Variants in BLNK observed in about 807,000 individuals in gnomAD.
The protein encoded by BLNK is B-cell linker protein.
BLNK carries 29 observed loss-of-function variants against 73.5 expected under a neutral mutation model. That is an observed-to-expected ratio of 0.39 (90% CI 0.29 to 0.54). BLNK has a LOEUF of 0.54. Ranked by LOEUF, BLNK falls within the 20% of genes least tolerant of loss-of-function variation. BLNK has a pLI of 0.61. For synonymous variants in BLNK, 176 were observed against 200.8 expected, an observed-to-expected ratio of 0.88 and a Z score of 1.04; for missense variants, 460 against 562.8, an observed-to-expected ratio of 0.82 and a Z score of 1.85.
intron 4 of BLNK, among the ~76,000 whole-genome samples, chr10:96,229,090 C>T (rs1215288455): frequency 6.6e-6 from 1 of 152,030 alleles, no homozygotes; most frequent in Non-Finnish European, 1.5e-5. Flanking sequence ...TATAAACATT[C>T]CAATTATATT....
At chr10:96,230,677 C>G (rs1554903745) in intron 4 of BLNK, 117 bp downstream of exon 4, 12 of 1,264,284 alleles carry the variant, frequency 9.5e-6, no homozygotes, top group Admixed American at 4.0e-5. Context: ...GTGACCTTTC[C>G]AAGTCTTCCC....
At position 96,207,071 on chromosome 10, in the gene BLNK, A is replaced by G; in HGVS notation, c.775-18T>C. 1 of 1,610,368 alleles carries G rather than the reference A, an allele frequency of 6.2e-7. No homozygotes were observed. On this transcript the variant is annotated intron_variant, in intron 10 of 16. Coordinates refer to ENST00000224337, the MANE Select transcript of BLNK (RefSeq NM_013314.4). ...ACTGGAGTCTATGTAAAAGAAAAAA[A>G]GGCAAGGTTATTCAATATAGCAGAA... is the stretch of plus-strand genomic sequence containing the variant.
chr10:96,239,303 G>A (rs1842806638), intron 3 of BLNK: 4 of 396,056 alleles, frequency 1.0e-5, no homozygotes, highest in Non-Finnish European at 1.3e-5. Flanking sequence ...CAGGAGTGCA[G>A]AATAATTAGT....
rs2083905997 is a variant in BLNK at position 96,209,831 on chromosome 10, T to C, written c.746+7A>G. On this transcript the variant is annotated splice_region_variant and intron_variant, in intron 9 of 16. Transcript: ENST00000224337. The stretch of plus-strand genomic sequence containing the variant: ...CTCAAAAGCTGCTTCCTGCAACAGG[T>C]ACTTACCCGGCCCGTGGCAACGGGG... 1 of 1,614,182 alleles carries C rather than the reference T, an allele frequency of 6.2e-7. No individual in the cohort carries two copies. Among genetic ancestry groups the C allele is most frequent in the Non-Finnish European group, 8.5e-7 (1 of 1,180,028 alleles).
chr10:96,205,511 G>T (rs930659863), intron 11 of BLNK, among the ~76,000 whole-genome samples: 1 of 152,214 alleles, frequency 6.6e-6, no homozygotes, highest in African/African-American at 2.4e-5. Context: ...AACCTCTGAA[G>T]ATTGTATTTT....
intron 12 of BLNK, 171 bp from the exon 13 acceptor site, chr10:96,204,259 A>G (rs2083737164): frequency 2.5e-6 from 2 of 789,076 alleles, no homozygotes; most frequent in African/African-American, 3.5e-5. Flanking sequence ...AAGATAAGTA[A>G]GACTCTTCCT....
rs587669910 is a variant in BLNK at position 96,196,721 on chromosome 10, T to A, written c.1251+187A>T. Among the ~76,000 whole-genome samples the A allele has an allele frequency of 3.3e-5, 5 of 152,334 alleles. 1 individual carries two copies. In the South Asian group the frequency reaches 1.0e-3, roughly 32 times the overall value. On this transcript the variant is annotated intron_variant, in intron 16 of 16. Coordinates refer to ENST00000224337, the MANE Select transcript of BLNK (RefSeq NM_013314.4). ...CATGTACATCACATGACTTTTTCCT[T>A]TTCTGTGTTCTTATAGGATATACTG...
chr10:96,245,751 T>C (rs1843020754), intron 2 of BLNK, among the ~76,000 whole-genome samples: 1 of 152,260 alleles, frequency 6.6e-6, no homozygotes, highest in South Asian at 2.1e-4. Context: ...ATGACGAAAA[T>C]GTATGTGTAT....
intron 9 of BLNK, among the ~76,000 whole-genome samples, chr10:96,208,377 A>C (rs1031183228): frequency 9.2e-5 from 14 of 151,934 alleles, no homozygotes; most frequent in African/African-American, 3.4e-4. Context: ...GCACTTGCCC[A>C]CTCCAGCTTC....
chr10:96,216,824 G>T, intron 6 of BLNK, 90 bp from the exon 7 acceptor site: 1 of 1,075,236 alleles, frequency 9.3e-7, no homozygotes, highest in Non-Finnish European at 1.4e-6. Context: ...AAGCATTATT[G>T]AGACGCAATT....
rs781976715 is a variant in BLNK at position 96,190,598 on chromosome 10, T to C, written c.*1375A>G. ...TGACATTTAAATATACAATTATCTTTAGAAGTGAGTCATGAGTTACCCTGA... is the reference window on the plus strand; with the variant it reads ...TGACATTTAAATATACAATTATCTTCAGAAGTGAGTCATGAGTTACCCTGA... On this transcript the variant is annotated 3_prime_UTR_variant, in exon 17 of 17. Coordinates refer to ENST00000224337, the MANE Select transcript of BLNK (RefSeq NM_013314.4). Among the ~76,000 whole-genome samples the C allele has an allele frequency of 1.3e-5, 2 of 152,260 alleles. No individual in the cohort carries two copies. Among genetic ancestry groups the C allele is most frequent in the Non-Finnish European group, 2.9e-5 (2 of 68,046 alleles).
intron 3 of BLNK, among the ~76,000 whole-genome samples, chr10:96,236,932 G>A (rs1455275739): frequency 6.6e-6 from 1 of 152,172 alleles, no homozygotes; most frequent in Non-Finnish European, 1.5e-5. Context: ...ACAGCAATGG[G>A]GGACATAGTC....
intron 1 of BLNK, among the ~76,000 whole-genome samples, chr10:96,269,844 C>T (rs782228201): frequency 3.9e-5 from 6 of 152,132 alleles, no homozygotes; most frequent in East Asian, 1.9e-4. Flanking sequence ...ACAAATGGAC[C>T]GTACTTGTGT....
intron 1 of BLNK, among the ~76,000 whole-genome samples, chr10:96,248,158 C>A (rs1009859274): frequency 6.6e-6 from 1 of 152,140 alleles, no homozygotes; most frequent in Non-Finnish European, 1.5e-5. Context: ...ATATTTGCAA[C>A]ATATAGTAAT....
chr10:96,242,259 A>G (rs1564841226), intron 3 of BLNK, among the ~76,000 whole-genome samples: 1 of 152,170 alleles, frequency 6.6e-6, no homozygotes, highest in Non-Finnish European at 1.5e-5. Flanking sequence ...GCCTGCCGCC[A>G]TGTAAGACAT....
At chr10:96,209,778 G>A in intron 9 of BLNK, 60 bp downstream of exon 9, 1 of 1,591,006 alleles carries the variant, frequency 6.3e-7, no homozygotes, top group Admixed American at 1.7e-5. Flanking sequence ...ACAGGGCAGT[G>A]GGGTATCACC....
chr10:96,219,086 G>A (rs1351914454), intron 6 of BLNK, among the ~76,000 whole-genome samples: 1 of 152,178 alleles, frequency 6.6e-6, no homozygotes, highest in East Asian at 1.9e-4. Flanking sequence ...TGTGGCACAG[G>A]GAACCTGGTC....
intron 6 of BLNK, 77 bp from the exon 7 acceptor site, chr10:96,216,811 A>T: frequency 8.0e-7 from 1 of 1,243,998 alleles, no homozygotes; most frequent in Non-Finnish European, 1.2e-6. Flanking sequence ...TGATTTTTTT[A>T]AAAAGCATTA....
intron 2 of BLNK, among the ~76,000 whole-genome samples, chr10:96,246,446 C>G (rs1317543777): frequency 3.3e-5 from 5 of 152,146 alleles, no homozygotes; most frequent in Admixed American, 3.3e-4. Context: ...CAGCTATTCG[C>G]TGGGCCGAGG....
Sources: allele counts gnomAD v4.1 joint callset (sites outside exome capture counted in the v4.1 genomes callset), GRCh38; gene constraint gnomAD v4.1.1; transcripts MANE v1.5; gene names NCBI Gene and HGNC (gene_info 2026-07-23, HGNC 2026-07-21).